The following ZDHHC6 variants were observed in gnomAD, a reference collection of about 807,000 sequenced individuals.
ZDHHC6 encodes the protein palmitoyltransferase ZDHHC6.
ZDHHC6 carries 32 observed loss-of-function variants against 57.8 expected under a neutral mutation model. The observed-to-expected ratio is 0.55, with a 90% CI of 0.42 to 0.74. ZDHHC6 has a LOEUF of 0.74. Among genes scored for constraint, ZDHHC6 ranks in the 30% least tolerant of loss-of-function variants. The pLI, the probability that ZDHHC6 is intolerant of heterozygous loss-of-function variation, is 0.00. For missense variants in ZDHHC6, 433 were observed against 500.7 expected, an observed-to-expected ratio of 0.86 and a Z score of 1.29; for synonymous variants, 128 against 158.0, an observed-to-expected ratio of 0.81 and a Z score of 1.42.
At chr10:112,434,185 G>C in intron 7 of ZDHHC6, 112 bp downstream of exon 7, 4 of 1,071,030 alleles carry the variant, frequency 3.7e-6, no homozygotes, top group Non-Finnish European at 5.2e-6. Context: ...TTTTGACATA[G>C]TGAAAACATT....
chr10:112,432,928 A>C (rs1390649932), intron 8 of ZDHHC6, among the ~76,000 whole-genome samples: 2 of 152,254 alleles, frequency 1.3e-5, no homozygotes, highest in African/African-American at 2.4e-5. Context: ...TAAATAAAAC[A>C]GCCACATGTG....
downstream of ZDHHC6, among the ~76,000 whole-genome samples, chr10:112,429,419 C>T (rs961354823): frequency 1.1e-4 from 17 of 152,186 alleles, no homozygotes; most frequent in Non-Finnish European, 4.4e-5. Context: ...AATGCCAACT[C>T]AAGACTGTCC....
chr10:112,447,339 A>G, upstream of ZDHHC6: 1 of 1,604,612 alleles, frequency 6.2e-7, no homozygotes, highest in Non-Finnish European at 8.5e-7. Context: ...TCCCTGACCT[A>G]GGCTTTGGCC....
chr10:112,445,483 C>T lies in ZDHHC6; in HGVS notation c.-47G>A. 1 of 1,587,712 alleles carries T rather than the reference C, an allele frequency of 6.3e-7. No homozygotes were observed. Among genetic ancestry groups the T allele is most frequent in the Non-Finnish European group, 8.6e-7 (1 of 1,166,190 alleles). The stretch of plus-strand genomic sequence containing the variant: ...CCTACTTTAAAAGAATTATAGATTT[C>T]CTTTTTCTGTGCGCACATTTCCATG... On this transcript the variant is annotated 5_prime_UTR_variant, in exon 2 of 11. Transcript: ENST00000369405.
At chr10:112,426,811 A>C, downstream of ZDHHC6, 1 of 1,614,056 alleles carries the variant, frequency 6.2e-7, no homozygotes, top group South Asian at 1.1e-5. Context: ...CCATTTTAGA[A>C]GACTTGCAGA....
downstream of ZDHHC6, among the ~76,000 whole-genome samples, chr10:112,429,813 G>A (rs1398212381): frequency 6.6e-6 from 1 of 152,236 alleles, no homozygotes. Flanking sequence ...GTGGCTGGCA[G>A]CCCAAAGTCC....
intron 4 of ZDHHC6, 118 bp from the exon 5 acceptor site, chr10:112,440,813 G>T (rs998374621): frequency 2.9e-6 from 2 of 701,082 alleles, no homozygotes; most frequent in South Asian, 5.4e-5. Flanking sequence ...TGTGGCCAAC[G>T]CAAACACAGC....
rs909962992 is a variant in ZDHHC6, at chr10:112,430,582, G to A, written c.*222C>T. 5.5e-5 allele frequency: 22 copies of A among 401,664 alleles called. No individual in the cohort carries two copies. Among genetic ancestry groups the A allele is most frequent in the African/African-American group, 3.7e-4 (18 of 48,586 alleles). The allele number at this position is 401,664 out of a possible 1,614,324, so 24.9% of individuals were successfully genotyped here. A position where few individuals can be genotyped will look rare whatever the true frequency, so the allele number is the denominator to read the frequency against. On this transcript the variant is annotated 3_prime_UTR_variant, in exon 11 of 11. Coordinates refer to ENST00000369405, the MANE Select transcript of ZDHHC6 (RefSeq NM_022494.3). ...CTTGGATGAAATGTTTTTCCTTTGA[G>A]GGGGAGGAAGAGGTGGTAAAGAGGG...
downstream of ZDHHC6, chr10:112,426,888 C>T: frequency 1.3e-6 from 2 of 1,533,838 alleles, no homozygotes; most frequent in Admixed American, 1.7e-5. Context: ...GTTATACTGG[C>T]CTCTTGTCAG....
At chr10:112,426,583 G>C (rs1280630791), downstream of ZDHHC6, 2 of 619,500 alleles carry the variant, frequency 3.2e-6, no homozygotes, top group Non-Finnish European at 5.7e-6. Flanking sequence ...GAGTAAAAAT[G>C]CTATTCAGAG....
chr10:112,428,307 C>T (rs935975681), downstream of ZDHHC6: 25 of 395,124 alleles, frequency 6.3e-5, no homozygotes, highest in Non-Finnish European at 1.1e-4. Flanking sequence ...CCTGCTCTAC[C>T]TTACCCACAG....
At chr10:112,440,113 C>A (rs535416071) in intron 5 of ZDHHC6, among the ~76,000 whole-genome samples, 3 of 78,474 alleles carry the variant, frequency 3.8e-5, no homozygotes, top group Non-Finnish European at 7.0e-5. Flanking sequence ...AATCATCTGT[C>A]GGGAAGGGAA....
At chr10:112,447,037 AC>A, upstream of ZDHHC6, 1 of 302,674 alleles carries the variant, frequency 3.3e-6, no homozygotes, top group Non-Finnish European at 6.5e-6. Context: ...GATTCCCAGA[AC>A]ACGAAGGGGG....
downstream of ZDHHC6, chr10:112,426,996 T>C: frequency 1.1e-6 from 1 of 882,024 alleles, no homozygotes; most frequent in Non-Finnish European, 1.8e-6. Flanking sequence ...AATGACCTTT[T>C]GTAGTTACTT....
At chr10:112,428,348 A>G (rs772310089), downstream of ZDHHC6, 2 of 398,172 alleles carry the variant, frequency 5.0e-6, no homozygotes, top group Non-Finnish European at 8.9e-6. Context: ...TTGTAAATGT[A>G]AAGTCTTTAA....
intron 3 of ZDHHC6, 116 bp downstream of exon 3, chr10:112,443,398 GT>G (rs1319678052): frequency 9.0e-6 from 7 of 776,406 alleles, no homozygotes; most frequent in Non-Finnish European, 1.4e-5. Flanking sequence ...TGACAATATT[GT>G]TTATAATATG....
intron 7 of ZDHHC6, 67 bp from the exon 8 acceptor site, chr10:112,433,348 T>C: frequency 7.7e-7 from 1 of 1,298,656 alleles, no homozygotes; most frequent in Non-Finnish European, 1.0e-6. Context: ...TCGCCTTTCC[T>C]CATCAACTGT....
chr10:112,433,508 G>A, intron 7 of ZDHHC6: 1 of 398,234 alleles, frequency 2.5e-6, no homozygotes, highest in Non-Finnish European at 4.5e-6. Flanking sequence ...ACTCTCTAAT[G>A]TCCTCATCTG....
chr10:112,440,401 T>C, intron 5 of ZDHHC6, 133 bp downstream of exon 5: 1 of 965,490 alleles, frequency 1.0e-6, no homozygotes, highest in South Asian at 2.0e-5. Context: ...CAAAGGAGAT[T>C]AGTTACCTAA....
Sources: gnomAD v4.1 joint callset for allele counts (sites outside exome capture counted in the v4.1 genomes callset) on GRCh38, gnomAD v4.1.1 for gene constraint, MANE v1.5 for transcripts, NCBI Gene and HGNC (gene_info 2026-07-23, HGNC 2026-07-21) for gene names.